The following A2ML1 variants were observed in gnomAD, a reference collection of about 807,000 sequenced individuals.
A2ML1 encodes alpha-2-macroglobulin-like protein 1.
Under a neutral mutation model 181.9 loss-of-function variants are expected in A2ML1, and 161 were observed. The ratio of observed to expected loss-of-function variants is 0.89; its 90% CI spans 0.78 to 1.01. A2ML1 has a LOEUF of 1.01. A2ML1 is among the 50% of genes least tolerant of loss of function. The pLI is 0.00. For synonymous variants in A2ML1, 663 were observed against 666.8 expected, an observed-to-expected ratio of 0.99 and a Z score of 0.09; for missense variants, 1,670 against 1,768.1, an observed-to-expected ratio of 0.94 and a Z score of 1.00.
In A2ML1 at chr12:8,839,144, C is replaced by T. The variant is rs748235206; in HGVS notation, c.1002C>T (p.Tyr334=). 11 of 1,613,362 alleles carry T rather than the reference C, an allele frequency of 6.8e-6. No individual in the cohort carries two copies. The South Asian group carries it at 1.2e-4, about 18-fold the overall frequency. The stretch of plus-strand genomic sequence containing the variant: ...AGGCCAATGCCACTCAGAATATCTA[C>T]ATTTCTCCACAAATGGGATCAATGA... ...GVEANATQNI[Y]ISPQMGSMTF... The change falls in exon 10 of 36, where the codon TAC becomes TAT. Residue 334 remains tyrosine (Y), a synonymous_variant. Transcript: ENST00000299698.
At chr12:8,874,896 T>C (rs1944752229) in intron 34 of A2ML1, 75 bp from the exon 35 acceptor site, 1 of 1,465,060 alleles carries the variant, frequency 6.8e-7, no homozygotes, top group African/African-American at 1.4e-5. Flanking sequence ...GCTCAAGCAG[T>C]AGCTTTTCTG....
chr12:8,855,722 G>A (rs1468711), intron 23 of A2ML1, 130 bp downstream of exon 23: 2 of 782,596 alleles, frequency 2.6e-6, no homozygotes, highest in Non-Finnish European at 4.2e-6. Context: ...GAAAAAGAGC[G>A]TATTTTATAT....
chr12:8,883,200 C>T (rs1944886200), intron 7 of A2ML1, among the ~76,000 whole-genome samples: 2 of 152,056 alleles, frequency 1.3e-5, no homozygotes. Context: ...AGCTGGGTTC[C>T]TGTTTTCTGT....
chr12:8,870,035 A>G (rs774873014), intron 33 of A2ML1, among the ~76,000 whole-genome samples: 3 of 152,330 alleles, frequency 2.0e-5, no homozygotes, highest in East Asian at 1.9e-4. Context: ...AGGACTAACA[A>G]TGTTCTAAAG....
chr12:8,869,454 T>A (rs1944547171), intron 33 of A2ML1, among the ~76,000 whole-genome samples: 1 of 151,950 alleles, frequency 6.6e-6, no homozygotes, highest in Admixed American at 6.6e-5. Context: ...TAGACACATT[T>A]AAAAAGTATA....
chr12:8,858,150 C>G (rs778450652), intron 26 of A2ML1, 48 bp downstream of exon 26: 16 of 1,586,372 alleles, frequency 1.0e-5, no homozygotes, highest in Non-Finnish European at 1.4e-5. Flanking sequence ...CTCGAAGGAC[C>G]CCACACCTCT....
intron 4 of A2ML1, among the ~76,000 whole-genome samples, chr12:8,831,875 A>G (rs936227991): frequency 2.6e-5 from 4 of 151,480 alleles, no homozygotes; most frequent in Non-Finnish European, 5.9e-5. Context: ...TCAGCCTCCC[A>G]AGTAGCTGGG....
In A2ML1 at chr12:8,848,831, A is replaced by T. The variant is rs762406949; in HGVS notation, c.1945A>T (p.Met649Leu). 1.2e-6 allele frequency: 2 copies of T among 1,614,072 alleles called. No individual in the cohort carries two copies. Among genetic ancestry groups the T allele is most frequent in the South Asian group, 2.2e-5 (2 of 91,068 alleles). ...CTTTCCTCAGCCCCTCATTGACCCA[A>T]TGCCCCAAGGGCATTCGAGCCAGCG... ...WDFPQPLIDPMPQGHSSQRSI... is the reference protein window; with the variant it reads ...WDFPQPLIDPLPQGHSSQRSI... The change falls in exon 16 of 36, where the codon ATG becomes TTG. Residue 649 changes from methionine (M) to leucine (L), a missense_variant. Met to Leu is a conservative substitution (Grantham distance 15). Transcript: ENST00000299698.
intron 33 of A2ML1, among the ~76,000 whole-genome samples, chr12:8,870,688 A>T (rs974025227): frequency 2.6e-5 from 4 of 152,196 alleles, no homozygotes; most frequent in African/African-American, 9.6e-5. Context: ...GACTTATTCA[A>T]GTCTTACAGC....
At position 8,822,647 on chromosome 12, in the gene A2ML1, C is replaced by A; in HGVS notation, c.-5C>A. 6.2e-7 allele frequency: 1 copy of A among 1,613,852 alleles called. No individual in the cohort carries two copies. The highest frequency in any genetic ancestry group is 8.5e-7 in the Non-Finnish European group (1 of 1,179,740). On this transcript the variant is annotated 5_prime_UTR_variant, in exon 1 of 36. Coordinates refer to ENST00000299698, the MANE Select transcript of A2ML1 (RefSeq NM_144670.6). ...ACCCTGGAAAAATCTGTCTCACCCA[C>A]AAAGATGTGGGCTCAGCTCCTTCTA...
At chr12:8,829,657 A>G (rs1025625666) in intron 3 of A2ML1, 70 bp from the exon 4 acceptor site, 5 of 673,052 alleles carry the variant, frequency 7.4e-6, no homozygotes. Context: ...CCTGTATCAA[A>G]AAAAAAAAAA....
intron 33 of A2ML1, among the ~76,000 whole-genome samples, chr12:8,873,821 C>T (rs1417288374): frequency 6.6e-6 from 1 of 151,944 alleles, no homozygotes; most frequent in Non-Finnish European, 1.5e-5. Flanking sequence ...TCTCTGGCCA[C>T]TTTGACTAAT....
chr12:8,823,739 G>A lies in A2ML1; in HGVS notation c.266G>A (p.Gly89Asp), dbSNP rs1452000425. 1.2e-6 allele frequency: 2 copies of A among 1,613,944 alleles called. No homozygotes were observed. The highest frequency in any genetic ancestry group is 1.1e-5 in the South Asian group (1 of 91,038). ...GGTCAGGTACCACCTCCTGCTGGTG[G>A]CACAGAAGAAGTGGCCACAATCCGG... ...ISFLVPPPAG[G>D]TEEVATIRVS... is the part of the protein sequence containing the mutation. Residue 89 changes from glycine to aspartate, a missense_variant, in exon 3 of 36, where the codon GGC (glycine) becomes GAC (aspartate). Transcript: ENST00000299698.
At chr12:8,876,821 C>G (rs1477660818), downstream of A2ML1, 1 of 152,098 alleles carries the variant, frequency 6.6e-6, no homozygotes, top group Admixed American at 6.5e-5. Context: ...CTTTGGAAAC[C>G]AAAAGTTCTT....
At position 8,823,802 on chromosome 12, in the gene A2ML1, AG is replaced by A; in HGVS notation, c.330del (p.Lys112ArgfsTer3). 6.2e-7 allele frequency: 1 copy of A among 1,614,156 alleles called. No homozygotes were observed. The highest frequency in any genetic ancestry group is 1.1e-5 in the South Asian group (1 of 91,080). ...GVGNNISFEE[K>X]KKVLIQRQGN... ...GGAAATAACATCAGCTTTGAGGAGA[AG>A]AAAAAGGTTCTAATTCAGAGGCAGG... On this transcript the variant is annotated frameshift_variant, in exon 3 of 36. Transcript: ENST00000299698. LOFTEE classifies it high-confidence loss of function.
intron 12 of A2ML1, among the ~76,000 whole-genome samples, chr12:8,843,750 G>A (rs1457477434): frequency 7.3e-6 from 1 of 136,424 alleles, no homozygotes; most frequent in South Asian, 2.3e-4. Flanking sequence ...ACACAGTCTC[G>A]CTCAGTTGCC....
Position 8,857,274 on chromosome 12 carries a change from T to C in A2ML1, c.2959T>C (p.Tyr987His). 6.2e-7 allele frequency: 1 copy of C among 1,613,898 alleles called. No homozygotes were observed. The highest frequency in any genetic ancestry group is 1.1e-5 in the South Asian group (1 of 91,068). Residue 987 changes from tyrosine (Y) to histidine (H), a missense_variant, in exon 24 of 36, where the codon TAC (tyrosine) becomes CAC (histidine). Tyr to His is a moderately conservative substitution (Grantham distance 83). Transcript: ENST00000299698. ...LFAPIIYVLQ[Y>H]LEKAGLLTEE... ...TGCTCCCATCATCTATGTCTTGCAG[T>C]ACCTGGAGAAGGCAGGGCTGCTGAC...
chr12:8,834,976 A>C (rs1235089999), intron 5 of A2ML1: 3 of 459,426 alleles, frequency 6.5e-6, no homozygotes, highest in African/African-American at 5.8e-5. Flanking sequence ...GCTTGGTTCC[A>C]TACTCCCCTT....
intron 7 of A2ML1, among the ~76,000 whole-genome samples, chr12:8,885,516 G>A (rs1944913919): frequency 6.6e-6 from 1 of 152,044 alleles, no homozygotes; most frequent in African/African-American, 2.4e-5. Context: ...GGAGTACAGT[G>A]GTGCAATCTC....
Sources: allele counts gnomAD v4.1 joint callset (sites outside exome capture counted in the v4.1 genomes callset), GRCh38; gene constraint gnomAD v4.1.1; transcripts MANE v1.5; gene names NCBI Gene and HGNC (gene_info 2026-07-23, HGNC 2026-07-21).